Variants in PACRG observed in about 807,000 individuals in gnomAD.
The protein encoded by PACRG is parkin coregulated gene protein.
A neutral mutation model predicts 29.7 loss-of-function variants in PACRG; 29 were observed. That is an observed-to-expected ratio of 0.98 (90% CI 0.73 to 1.33). The LOEUF (loss-of-function observed/expected upper bound fraction) is 1.33, where lower values mean the gene tolerates loss of function less well. Among genes scored for constraint, PACRG ranks in the 40% most tolerant of loss-of-function variants. PACRG has a pLI of 0.00. For synonymous variants in PACRG, 116 were observed against 118.7 expected, an observed-to-expected ratio of 0.98 and a Z score of 0.15; for missense variants, 279 against 316.2, an observed-to-expected ratio of 0.88 and a Z score of 0.89.
In PACRG at chr6:162,893,459, T is replaced by C. The variant is rs78770515; in HGVS notation, c.291+79178T>C. The stretch of plus-strand genomic sequence containing the variant: ...AGATCAGGAGGCTACATTGTAGTGA[T>C]TGTCAAAGTGCACTTCTCAGTTCAC... On this transcript the variant is annotated intron_variant, in intron 2 of 4. Transcript: ENST00000366888. Among the ~76,000 whole-genome samples, 1,315 of 152,188 alleles carry C rather than the reference T, an allele frequency of 8.6e-3. 15 individuals carry two copies. Among genetic ancestry groups the C allele is most frequent in the African/African-American group, 0.028 (1,178 of 41,524 alleles).
chr6:163,247,548 T>G (rs1232106730), intron 4 of PACRG, among the ~76,000 whole-genome samples: 1 of 152,224 alleles, frequency 6.6e-6, no homozygotes, highest in African/African-American at 2.4e-5. Context: ...CAGAACCTGC[T>G]TCTAACAATA....
chr6:162,992,901 C>A (rs1163479712), intron 2 of PACRG, among the ~76,000 whole-genome samples: 1 of 151,856 alleles, frequency 6.6e-6, no homozygotes, highest in Admixed American at 6.6e-5. Flanking sequence ...TCCCTCTACA[C>A]ACTGCTTTGA....
Position 163,062,247 on chromosome 6 carries a change from GA to G in PACRG, c.391del (p.Ile131SerfsTer23). ...CCCTATGAGTTTTTTGCTCGGCAAG[GA>G]ATCCACGACATGCTGGAACACGGTG... ...TFPYEFFARQ[G>X]IHDMLEHGGN... On this transcript the variant is annotated frameshift_variant, in exon 3 of 5. Coordinates refer to ENST00000366888, the MANE Select transcript of PACRG (RefSeq NM_001080379.2). LOFTEE classifies it high-confidence loss of function. 1 of 1,614,098 alleles carries G rather than the reference GA, an allele frequency of 6.2e-7. No homozygotes were observed. Among genetic ancestry groups the G allele is most frequent in the Non-Finnish European group, 8.5e-7 (1 of 1,180,022 alleles).
In PACRG at chr6:162,853,543, A is replaced by G. The variant is rs1041956438; in HGVS notation, c.291+39262A>G. On this transcript the variant is annotated intron_variant, in intron 2 of 4. Coordinates refer to ENST00000366888, the MANE Select transcript of PACRG (RefSeq NM_001080379.2). The surrounding 1 kb of genome is among the most constrained non-coding windows in gnomAD (Gnocchi z 4.7). ...TAAGACAGAAAGAAATATGCATACAAAGCTATACTACCAGATAACACAGGA... is the reference window on the plus strand; with the variant it reads ...TAAGACAGAAAGAAATATGCATACAGAGCTATACTACCAGATAACACAGGA... Among the ~76,000 whole-genome samples, 7 of 152,220 alleles carry G rather than the reference A, an allele frequency of 4.6e-5. No individual in the cohort carries two copies. The East Asian group carries it at 1.3e-3, about 29-fold the overall frequency.
At chr6:163,269,177 C>A (rs1206009012) in intron 4 of PACRG, among the ~76,000 whole-genome samples, 1 of 152,234 alleles carries the variant, frequency 6.6e-6, no homozygotes, top group East Asian at 1.9e-4. Flanking sequence ...TGGAGGCACA[C>A]ATCCTCCTGG....
intron 3 of PACRG, among the ~76,000 whole-genome samples, chr6:163,064,573 A>G (rs931147774): frequency 1.3e-5 from 2 of 152,234 alleles, no homozygotes; most frequent in Non-Finnish European, 2.9e-5. Context: ...CACTAAAAGC[A>G]GACTTTTCTC....
chr6:162,736,015 A>T (rs1780140958), intron 1 of PACRG, among the ~76,000 whole-genome samples: 1 of 152,228 alleles, frequency 6.6e-6, no homozygotes, highest in African/African-American at 2.4e-5. Context: ...TGGATGTTCA[A>T]ATTTAATTCT....
intron 2 of PACRG, among the ~76,000 whole-genome samples, chr6:162,831,379 A>G (rs1207644932): frequency 6.6e-6 from 1 of 152,226 alleles, no homozygotes; most frequent in Non-Finnish European, 1.5e-5. Context: ...TGCTGTACAT[A>G]CAGCATCTAA....
At chr6:162,824,016 A>AC (rs960297240) in intron 2 of PACRG, among the ~76,000 whole-genome samples, 4 of 152,022 alleles carry the variant, frequency 2.6e-5, no homozygotes, top group Non-Finnish European at 5.9e-5. Flanking sequence ...GAGTACACAA[A>AC]CACCTATAAT....
intron 4 of PACRG, among the ~76,000 whole-genome samples, chr6:163,242,988 A>G (rs545371896): frequency 7.2e-5 from 11 of 152,348 alleles, no homozygotes; most frequent in Admixed American, 1.3e-4. Flanking sequence ...TTTTCCCTAC[A>G]GATACAGTGC....
rs149761707 is a variant in PACRG, at chr6:163,192,876, G to A, written c.613+103468G>A. Among the ~76,000 whole-genome samples the A allele has an allele frequency of 1.5e-4, 23 of 152,262 alleles. No individual in the cohort carries two copies. In the East Asian group the frequency reaches 4.2e-3, roughly 28 times the overall value. On this transcript the variant is annotated intron_variant, in intron 4 of 4. Coordinates refer to ENST00000366888, the MANE Select transcript of PACRG (RefSeq NM_001080379.2). ...GTCCTGCAGTAGGCAGCCATCACTC[G>A]ATTTCCTGCTTAAAAAGATCTGACA...
intron 4 of PACRG, among the ~76,000 whole-genome samples, chr6:163,301,256 G>A (rs114366128): frequency 3.3e-3 from 501 of 152,344 alleles, no homozygotes; most frequent in African/African-American, 0.011. Flanking sequence ...CAAAAAGGAA[G>A]TAAACAGAGC....
chr6:162,943,421 G>A (rs1196753653), intron 2 of PACRG, among the ~76,000 whole-genome samples: 1 of 152,136 alleles, frequency 6.6e-6, no homozygotes, highest in African/African-American at 2.4e-5. Flanking sequence ...CTGAGGACAA[G>A]GTACCCTGCC....
At chr6:162,994,351 C>T (rs1296679430) in intron 2 of PACRG, among the ~76,000 whole-genome samples, 1 of 150,358 alleles carries the variant, frequency 6.7e-6, no homozygotes, top group Non-Finnish European at 1.5e-5. Context: ...CAACTTGGTT[C>T]CATTCTCCGC....
At chr6:163,299,293 C>A (rs543514525) in intron 4 of PACRG, among the ~76,000 whole-genome samples, 1 of 152,326 alleles carries the variant, frequency 6.6e-6, no homozygotes, top group East Asian at 1.9e-4. Context: ...AAGCACCAGG[C>A]AGGCCATGTG....
intron 4 of PACRG, among the ~76,000 whole-genome samples, chr6:163,236,566 C>T (rs112717267): frequency 7.9e-6 from 1 of 126,468 alleles, no homozygotes. Context: ...CTGTGTTACA[C>T]AAGATTCCGG....
intron 1 of PACRG, among the ~76,000 whole-genome samples, chr6:162,755,389 A>C (rs912801955): frequency 5.3e-5 from 8 of 151,160 alleles, no homozygotes; most frequent in Non-Finnish European, 8.9e-5. Context: ...TAGATTGTTT[A>C]TTTCTTCTTT....
At chr6:163,109,253 T>C (rs565030092) in intron 4 of PACRG, among the ~76,000 whole-genome samples, 4 of 152,234 alleles carry the variant, frequency 2.6e-5, no homozygotes, top group Non-Finnish European at 5.9e-5. Flanking sequence ...CAAAAGTCAA[T>C]CATTTACCAA....
At chr6:162,792,516 A>G (rs553198067) in intron 1 of PACRG, among the ~76,000 whole-genome samples, 2 of 152,312 alleles carry the variant, frequency 1.3e-5, no homozygotes, top group South Asian at 4.1e-4. Flanking sequence ...AGACCGTGAT[A>G]GAACAGGCCA....
Sources: allele counts gnomAD v4.1 joint callset (sites outside exome capture counted in the v4.1 genomes callset), GRCh38; gene constraint gnomAD v4.1.1; non-coding constraint Gnocchi (gnomAD v3.1); transcripts MANE v1.5; gene names NCBI Gene and HGNC (gene_info 2026-07-23, HGNC 2026-07-21).